The following RSRC1 variants were observed in gnomAD, a reference collection of about 807,000 sequenced individuals.
RSRC1 encodes serine/Arginine-related protein 53.
Under a neutral mutation model 49.1 loss-of-function variants are expected in RSRC1, and 39 were observed. That is an observed-to-expected ratio of 0.79 (90% CI 0.61 to 1.04). The LOEUF (loss-of-function observed/expected upper bound fraction) is 1.04, where lower values mean the gene tolerates loss of function less well. Among genes scored for constraint, RSRC1 ranks in the 50% least tolerant of loss-of-function variants. The pLI is 0.00. For missense variants in RSRC1, 388 were observed against 402.4 expected, an observed-to-expected ratio of 0.96 and a Z score of 0.31; for synonymous variants, 143 against 130.8, an observed-to-expected ratio of 1.09 and a Z score of -0.63.
chr3:158,373,747 C>A (rs1445002391), intron 6 of RSRC1, among the ~76,000 whole-genome samples: 2 of 151,772 alleles, frequency 1.3e-5, no homozygotes, highest in African/African-American at 4.8e-5. Flanking sequence ...CTTGTATTCC[C>A]CTGTAACTAA....
In RSRC1 at chr3:158,218,178, C is replaced by G. The variant is rs1379095465; in HGVS notation, c.494+14933C>G. On this transcript the variant is annotated intron_variant, in intron 4 of 9. Transcript: ENST00000611884. ...TCTCTATCTTAAGGGTAGCAGGATG[C>G]CTTTGAAGTGGTTTAATCTGATGGG... 2.0e-5 allele frequency among the ~76,000 whole-genome samples: 3 copies of G among 151,454 alleles called. No homozygotes were observed. The South Asian group carries it at 6.2e-4, about 32-fold the overall frequency.
At chr3:158,363,007 G>C (rs899222678) in intron 6 of RSRC1, among the ~76,000 whole-genome samples, 4 of 152,076 alleles carry the variant, frequency 2.6e-5, no homozygotes, top group African/African-American at 9.7e-5. Flanking sequence ...TACATATGTG[G>C]TAAAACAACT....
chr3:158,391,889 A>C (rs1056361216), intron 6 of RSRC1, among the ~76,000 whole-genome samples: 1 of 152,128 alleles, frequency 6.6e-6, no homozygotes, highest in Non-Finnish European at 1.5e-5. Context: ...TGAATTATAA[A>C]TATAATGTAA....
intron 1 of RSRC1, among the ~76,000 whole-genome samples, chr3:158,114,474 A>C (rs533213872): frequency 3.3e-5 from 5 of 152,276 alleles, no homozygotes; most frequent in Admixed American, 1.3e-4. Context: ...TGTCTTGGCT[A>C]TATGGGCTCT....
At chr3:158,345,775 GTA>G (rs142376368) in intron 5 of RSRC1, among the ~76,000 whole-genome samples, 15 of 143,328 alleles carry the variant, frequency 1.0e-4, no homozygotes, top group East Asian at 2.1e-4. Context: ...ATGTGTGTGT[GTA>G]TATATATATA....
chr3:158,419,794 A>G (rs1046506090), intron 6 of RSRC1, among the ~76,000 whole-genome samples: 1 of 148,732 alleles, frequency 6.7e-6, no homozygotes, highest in African/African-American at 2.5e-5. Flanking sequence ...TATACAGCAT[A>G]CATGTAATAG....
chr3:158,122,033 A>G, intron 1 of RSRC1, 70 bp from the exon 2 acceptor site: 1 of 842,006 alleles, frequency 1.2e-6, no homozygotes, highest in Non-Finnish European at 1.7e-6. Context: ...GAAATAAAAA[A>G]TTAATATATT....
chr3:158,210,339 T>A (rs1193646098), intron 4 of RSRC1, among the ~76,000 whole-genome samples: 1 of 152,076 alleles, frequency 6.6e-6, no homozygotes, highest in Non-Finnish European at 1.5e-5. Flanking sequence ...ATAACATGTC[T>A]TCATGCAAAA....
chr3:158,114,336 A>G (rs1014028050), intron 1 of RSRC1, among the ~76,000 whole-genome samples: 1 of 152,090 alleles, frequency 6.6e-6, no homozygotes, highest in East Asian at 1.9e-4. Flanking sequence ...TGAGTTGTCT[A>G]TTCTGTTCCA....
intron 4 of RSRC1, among the ~76,000 whole-genome samples, chr3:158,289,171 T>A (rs1425199683): frequency 6.6e-6 from 1 of 152,190 alleles, no homozygotes; most frequent in Non-Finnish European, 1.5e-5. Context: ...ACATCAGATC[T>A]ACTGATGACA....
chr3:158,485,946 A>G (rs918377122), intron 7 of RSRC1, among the ~76,000 whole-genome samples: 1 of 152,166 alleles, frequency 6.6e-6, no homozygotes, highest in Non-Finnish European at 1.5e-5. Context: ...AAAATAATTT[A>G]GTTCGGCATG....
intron 5 of RSRC1, among the ~76,000 whole-genome samples, chr3:158,339,248 C>T (rs1011822898): frequency 4.2e-5 from 6 of 141,702 alleles, no homozygotes; most frequent in African/African-American, 1.1e-4. Context: ...GCAGAGATTG[C>T]GCCACTGCAG....
At chr3:158,137,779 G>C (rs1716492390) in intron 3 of RSRC1, among the ~76,000 whole-genome samples, 1 of 150,506 alleles carries the variant, frequency 6.6e-6, no homozygotes, top group South Asian at 2.1e-4. Flanking sequence ...TCAGCCTCCC[G>C]AGTAGCTGGG....
At chr3:158,329,009 T>G (rs945040792) in intron 5 of RSRC1, among the ~76,000 whole-genome samples, 1 of 152,240 alleles carries the variant, frequency 6.6e-6, no homozygotes, top group Non-Finnish European at 1.5e-5. Context: ...CCTGATACCC[T>G]TTCTTCCAGT....
intron 4 of RSRC1, among the ~76,000 whole-genome samples, chr3:158,239,714 A>T (rs866380272): frequency 6.6e-6 from 1 of 152,154 alleles, no homozygotes; most frequent in Non-Finnish European, 1.5e-5. Flanking sequence ...CCTAGAACTT[A>T]AAGTATTAAA....
chr3:158,198,040 T>C (rs1245884322), intron 3 of RSRC1, among the ~76,000 whole-genome samples: 3 of 152,160 alleles, frequency 2.0e-5, no homozygotes, highest in African/African-American at 4.8e-5. Context: ...AATTCCTGGA[T>C]ATGCTTGTTA....
chr3:158,456,549 C>T (rs934382282), intron 6 of RSRC1, among the ~76,000 whole-genome samples: 3 of 152,042 alleles, frequency 2.0e-5, no homozygotes, highest in Non-Finnish European at 4.4e-5. Flanking sequence ...GCTGTACATC[C>T]CATAAAGAGG....
At chr3:158,184,919 G>T (rs553362622) in intron 3 of RSRC1, among the ~76,000 whole-genome samples, 1 of 152,042 alleles carries the variant, frequency 6.6e-6, no homozygotes, top group South Asian at 2.1e-4. Flanking sequence ...TTTTGAGGGA[G>T]AGTGGTCTAT....
intron 5 of RSRC1, among the ~76,000 whole-genome samples, chr3:158,300,634 G>A (rs1727489991): frequency 6.6e-6 from 1 of 152,058 alleles, no homozygotes; most frequent in Non-Finnish European, 1.5e-5. Context: ...AATACAATTA[G>A]AAGTATATTT....
Sources: gnomAD v4.1 joint callset for allele counts (sites outside exome capture counted in the v4.1 genomes callset) on GRCh38, gnomAD v4.1.1 for gene constraint, MANE v1.5 for transcripts, NCBI Gene and HGNC (gene_info 2026-07-23, HGNC 2026-07-21) for gene names.